ST7: variants seen among roughly 807,000 people sequenced by gnomAD.
ST7 encodes suppression of tumorigenicity 7, also known as suppressor of tumorigenicity 7 protein.
A neutral mutation model predicts 78.7 loss-of-function variants in ST7; 28 were observed. That is an observed-to-expected ratio of 0.36 (90% confidence interval 0.26 to 0.49). The LOEUF (loss-of-function observed/expected upper bound fraction) is 0.49, where lower values mean the gene tolerates loss of function less well. Ranked by LOEUF, ST7 falls within the 20% of genes least tolerant of loss-of-function variation. The probability of loss-of-function intolerance (pLI) is 0.99; values close to 1 mark genes in which losing one functional copy is unlikely to be tolerated. For synonymous variants in ST7, 247 were observed against 249.6 expected (o/e 0.99, Z 0.10); for missense variants, 418 against 696.0 (o/e 0.60, Z 4.49).
chr7:117,088,675 A>G (rs1042139901), intron 1 of ST7, among the ~76,000 whole-genome samples: 3 of 152,216 alleles, frequency 2.0e-5, no homozygotes, highest in Non-Finnish European at 4.4e-5. Context: ...AACTTCCAGT[A>G]TAGGAAGAGT....
intron 1 of ST7, among the ~76,000 whole-genome samples, chr7:117,066,349 G>A (rs1481498832): frequency 6.6e-6 from 1 of 152,132 alleles, no homozygotes; most frequent in Admixed American, 6.5e-5. Flanking sequence ...TCCAGTGCCT[G>A]GTATTTAGTT....
rs370892077 is a variant in ST7 at position 117,222,880 on chromosome 7, C to T, written c.1638+818C>T. On this transcript the variant is annotated intron_variant, in intron 15 of 15. Coordinates refer to ENST00000323984, the MANE Select transcript of ST7 (RefSeq NM_001369598.1). Reference sequence around the variant, plus strand: ...TTCCAGATGATTGACATTTTCTGCTCGGCAGAGTTCAGGGACTGGAATTGC... The same window carrying T: ...TTCCAGATGATTGACATTTTCTGCTTGGCAGAGTTCAGGGACTGGAATTGC... 2.7e-5 allele frequency: 43 copies of T among 1,613,884 alleles called. No individual in the cohort carries two copies. The highest frequency in any genetic ancestry group is 1.6e-4 in the Middle Eastern group (1 of 6,082).
At chr7:117,138,570 G>C in intron 9 of ST7, 38 bp downstream of exon 9, 1 of 1,443,742 alleles carries the variant, frequency 6.9e-7, no homozygotes, top group Admixed American at 1.9e-5. Context: ...GTGGCTTACA[G>C]ATATAGGAGC....
intron 1 of ST7, among the ~76,000 whole-genome samples, chr7:117,042,431 A>G (rs1797275855): frequency 6.6e-6 from 1 of 152,208 alleles, no homozygotes; most frequent in African/African-American, 2.4e-5. Flanking sequence ...TTACTCTCCA[A>G]AAGAGTCATC....
chr7:117,148,640 A>G (rs545132063), intron 9 of ST7, among the ~76,000 whole-genome samples: 7 of 152,194 alleles, frequency 4.6e-5, no homozygotes, highest in African/African-American at 1.7e-4. Context: ...GATATTCCCA[A>G]CTCACTAAGA....
intron 1 of ST7, among the ~76,000 whole-genome samples, chr7:116,968,747 A>G (rs1793269124): frequency 6.6e-6 from 1 of 152,134 alleles, no homozygotes; most frequent in South Asian, 2.1e-4. Context: ...TACCAAAACA[A>G]GGGGATGAGA....
intron 1 of ST7, among the ~76,000 whole-genome samples, chr7:117,026,020 T>C (rs530729755): frequency 3.9e-5 from 6 of 152,216 alleles, no homozygotes; most frequent in Non-Finnish European, 7.3e-5. Flanking sequence ...CATGTGAGTC[T>C]TCAGTGATTT....
chr7:117,129,831 G>T lies in ST7; in HGVS notation c.433G>T (p.Gly145Cys). The T allele has an allele frequency of 6.2e-7, 1 of 1,610,322 alleles. No individual in the cohort carries two copies. The highest frequency in any genetic ancestry group is 8.5e-7 in the Non-Finnish European group (1 of 1,177,970). The change falls in exon 4 of 16, where the codon GGT becomes TGT. Residue 145 changes from glycine (G) to cysteine (C), a missense_variant. Gly to Cys is a radical substitution (Grantham distance 159). Transcript: ENST00000323984. ...GCGAAATCCACTAAATTTATTTAGG[G>T]GTGCTGAATACAATCGGTAAGCATT... Reference protein sequence around the residue: ...VWRNPLNLFRGAEYNRYTWVT... With the variant: ...VWRNPLNLFRCAEYNRYTWVT...
At position 117,136,063 on chromosome 7, in the gene ST7, T is replaced by C; in HGVS notation, c.711-18T>C. The C allele has an allele frequency of 6.2e-7, 1 of 1,611,794 alleles. No individual in the cohort carries two copies. The highest frequency in any genetic ancestry group is 1.1e-5 in the South Asian group (1 of 90,828). Reference sequence around the variant, plus strand: ...CCTTGGCTTTGTAATTGATGGTGGCTATTATCTGAATGAACAGGTGTGCAA... The same window carrying C: ...CCTTGGCTTTGTAATTGATGGTGGCCATTATCTGAATGAACAGGTGTGCAA... On this transcript the variant is annotated intron_variant, in intron 7 of 15. Coordinates refer to ENST00000323984, the MANE Select transcript of ST7 (RefSeq NM_001369598.1).
At chr7:117,127,330 G>A (rs1209081987) in intron 3 of ST7, among the ~76,000 whole-genome samples, 1 of 151,800 alleles carries the variant, frequency 6.6e-6, no homozygotes, top group African/African-American at 2.4e-5. Flanking sequence ...CACATAGCCT[G>A]ATATTTATGA....
intron 1 of ST7, among the ~76,000 whole-genome samples, chr7:117,071,004 G>A (rs1563057731): frequency 2.0e-5 from 3 of 152,060 alleles, no homozygotes; most frequent in Admixed American, 6.5e-5. Flanking sequence ...TGGATCATGA[G>A]GTCAGGAGAT....
At chr7:116,953,802 C>G in intron 1 of ST7, 111 bp downstream of exon 1, 4 of 761,066 alleles carry the variant, frequency 5.3e-6, no homozygotes, top group Non-Finnish European at 6.5e-6. Flanking sequence ...CGCCGGGGCC[C>G]GCGCACCGGA....
intron 1 of ST7, among the ~76,000 whole-genome samples, chr7:117,077,365 T>C (rs1229646854): frequency 6.6e-6 from 1 of 152,238 alleles, no homozygotes; most frequent in East Asian, 1.9e-4. Flanking sequence ...CCTGCCCTTT[T>C]CTGTCTAGAA....
At chr7:117,169,252 C>T (rs540114441) in intron 9 of ST7, among the ~76,000 whole-genome samples, 22 of 151,766 alleles carry the variant, frequency 1.4e-4, no homozygotes, top group African/African-American at 3.4e-4. Context: ...TCTCCTGCCT[C>T]GGCCTCCTAA....
intron 2 of ST7, among the ~76,000 whole-genome samples, chr7:117,114,706 A>G (rs1424487504): frequency 6.6e-6 from 1 of 152,256 alleles, no homozygotes; most frequent in Non-Finnish European, 1.5e-5. Context: ...ATAATAGGGC[A>G]TAGGGAAATT....
chr7:117,173,966 C>T (rs1357570197), intron 10 of ST7, among the ~76,000 whole-genome samples: 1 of 152,092 alleles, frequency 6.6e-6, no homozygotes, highest in Non-Finnish European at 1.5e-5. Context: ...AGAAGGGAGG[C>T]AAAATGTATT....
intron 10 of ST7, among the ~76,000 whole-genome samples, chr7:117,180,076 G>A (rs554153734): frequency 6.6e-6 from 1 of 152,120 alleles, no homozygotes; most frequent in Non-Finnish European, 1.5e-5. Flanking sequence ...TTGTCTCCTG[G>A]GTGGGAAAAC....
Position 117,183,361 on chromosome 7 carries a change from G to T in ST7, c.1079-5960G>T, listed in dbSNP as rs186052620. Among the ~76,000 whole-genome samples, 728 of 152,058 alleles carry T rather than the reference G, an allele frequency of 4.8e-3. 2 individuals carry two copies. The highest frequency in any genetic ancestry group is 6.6e-3 in the Non-Finnish European group (451 of 67,996). ...GAATTGCTTGAACCCGGGAGGTGGA[G>T]GTTGTAGTGAGGGAGATTGTGCTAC... On this transcript the variant is annotated intron_variant, in intron 10 of 15. Coordinates refer to ENST00000323984, the MANE Select transcript of ST7 (RefSeq NM_001369598.1).
intron 9 of ST7, among the ~76,000 whole-genome samples, chr7:117,157,852 T>A (rs1806824967): frequency 6.6e-6 from 1 of 152,152 alleles, no homozygotes; most frequent in Admixed American, 6.5e-5. Flanking sequence ...ATCAAATTGC[T>A]CGGGTTTGTT....
Sources: gnomAD v4.1 joint callset for allele counts (sites outside exome capture counted in the v4.1 genomes callset) on GRCh38, gnomAD v4.1.1 for gene constraint, MANE v1.5 for transcripts, NCBI Gene and HGNC (gene_info 2026-07-23, HGNC 2026-07-21) for gene names.